Variants in TMEM106B observed in about 807,000 individuals in gnomAD.
TMEM106B encodes the protein transmembrane protein 106B.
TMEM106B carries 15 observed loss-of-function variants against 31.1 expected under a neutral mutation model. That is an observed-to-expected ratio of 0.48 (90% CI 0.32 to 0.74). The LOEUF is 0.74. TMEM106B is among the 30% of genes least tolerant of loss of function. TMEM106B has a pLI of 0.03. For missense variants in TMEM106B, 283 were observed against 327.3 expected (o/e 0.86, Z 1.04); for synonymous variants, 126 against 112.5 (o/e 1.12, Z -0.76).
At chr7:12,215,586 T>C (rs1562702572) in intron 2 of TMEM106B, 1 of 332,386 alleles carries the variant, frequency 3.0e-6, no homozygotes, top group East Asian at 8.9e-5. Context: ...TTTAAAATTT[T>C]ATTTTTTTAA....
rs1583224388 is a variant in TMEM106B, at chr7:12,235,778, A to C, written c.*3803A>C. The stretch of plus-strand genomic sequence containing the variant: ...ACTTTTTAAAAGATGTAAATTTTTA[A>C]ATTTACAAATACATATGGGTCTTTG... On this transcript the variant is annotated 3_prime_UTR_variant, in exon 8 of 8. Transcript: ENST00000396668. 6.6e-6 allele frequency: 1 copy of C among 151,822 alleles called. No homozygotes were observed. Among genetic ancestry groups the C allele is most frequent in the South Asian group, 2.1e-4 (1 of 4,830 alleles). The allele number at this position is 151,822 out of a possible 1,614,324, so 9.4% of individuals were successfully genotyped here.
chr7:12,232,828 G>C lies in TMEM106B; in HGVS notation c.*853G>C, dbSNP rs964186193. On this transcript the variant is annotated 3_prime_UTR_variant, in exon 8 of 8. Transcript: ENST00000396668. The stretch of plus-strand genomic sequence containing the variant: ...GGAAAATGAAATTCAGAAACCCATA[G>C]ACTGGGAATAGGTTCCAGTTACAGC... The C allele has an allele frequency of 1.3e-5, 2 of 152,088 alleles. No homozygotes were observed. The highest frequency in any genetic ancestry group is 2.4e-5 in the African/African-American group (1 of 41,416). 9.4% of individuals were successfully genotyped at this position (152,088 alleles called of 1,614,324 possible).
rs1782245957 is a variant in TMEM106B at position 12,242,091 on chromosome 7, CGGCCGGGCACGG to C, written c.*10117_*10128del. On this transcript the variant is annotated 3_prime_UTR_variant, in exon 8 of 8. Coordinates refer to ENST00000396668, the MANE Select transcript of TMEM106B (RefSeq NM_001134232.2). ...AATTCTTAAATTAAAAAAAAATACC[CGGCCGGGCACGG>C]TGGCTCACGCCTGTAATCCCAGCAC... 1 of 51,950 alleles carries C rather than the reference CGGCCGGGCACGG, an allele frequency of 1.9e-5. No homozygotes were observed. The highest frequency in any genetic ancestry group is 3.5e-5 in the Non-Finnish European group (1 of 28,792). The allele number at this position is 51,950 out of a possible 1,614,324, so 3.2% of individuals were successfully genotyped here.
rs1344012742 is a variant in TMEM106B at position 12,241,628 on chromosome 7, C to T, written c.*9653C>T. 1 of 152,182 alleles carries T rather than the reference C, an allele frequency of 6.6e-6. No individual in the cohort carries two copies. Among genetic ancestry groups the T allele is most frequent in the Non-Finnish European group, 1.5e-5 (1 of 68,054 alleles). The allele number at this position is 152,182 out of a possible 1,614,324, so 9.4% of individuals were successfully genotyped here. A position where few individuals can be genotyped will look rare whatever the true frequency, so the allele number is the denominator to read the frequency against. ...AGTATTCCATGGTGTATATATGCCA[C>T]ATTTTCTTTATCCAGTCTATCATTG... On this transcript the variant is annotated 3_prime_UTR_variant, in exon 8 of 8. Transcript: ENST00000396668.
intron 4 of TMEM106B, among the ~76,000 whole-genome samples, chr7:12,225,763 G>T (rs1781888350): frequency 6.6e-6 from 1 of 152,108 alleles, no homozygotes; most frequent in Non-Finnish European, 1.5e-5. Flanking sequence ...TTAGCCATTT[G>T]TCAGATGGGT....
rs1471342675 is a variant in TMEM106B at position 12,233,650 on chromosome 7, T to C, written c.*1675T>C. 6.6e-6 allele frequency: 1 copy of C among 151,450 alleles called. No individual in the cohort carries two copies. The highest frequency in any genetic ancestry group is 2.4e-5 in the African/African-American group (1 of 41,332). 9.4% of individuals were successfully genotyped at this position (151,450 alleles called of 1,614,324 possible). A position where few individuals can be genotyped will look rare whatever the true frequency, so the allele number is the denominator to read the frequency against. On this transcript the variant is annotated 3_prime_UTR_variant, in exon 8 of 8. Transcript: ENST00000396668. ...TACTATTAAACCCAAATCAGTCCTT[T>C]AAGTTCATTATGGCCTTTCTAGTAT... is the stretch of plus-strand genomic sequence containing the variant.
chr7:12,224,747 T>G (rs1277900623), intron 4 of TMEM106B, among the ~76,000 whole-genome samples: 1 of 152,244 alleles, frequency 6.6e-6, no homozygotes, highest in Non-Finnish European at 1.5e-5. Flanking sequence ...AACATTTTGA[T>G]TTCATTGTAT....
At chr7:12,215,367 G>C (rs117851514) in intron 2 of TMEM106B, among the ~76,000 whole-genome samples, 2 of 151,490 alleles carry the variant, frequency 1.3e-5, no homozygotes, top group Non-Finnish European at 2.9e-5. Context: ...TGCTATATCA[G>C]ATGTTAGAAG....
intron 2 of TMEM106B, 130 bp from the exon 3 acceptor site, chr7:12,218,328 T>G: frequency 1.7e-6 from 1 of 599,892 alleles, no homozygotes; most frequent in Non-Finnish European, 2.7e-6. Context: ...TCTGAAGACT[T>G]AGCAATTTAC....
intron 2 of TMEM106B, chr7:12,215,716 C>A: frequency 4.2e-6 from 1 of 239,248 alleles, no homozygotes; most frequent in Non-Finnish European, 9.5e-6. Flanking sequence ...CCACGCCTGG[C>A]CAACCTAATA....
chr7:12,224,883 T>A lies in TMEM106B; in HGVS notation c.441+498T>A, dbSNP rs1011029708. ...TGAAAATGCCGTGTTTTTTTTTTTT[T>A]AATTATTAAGTTCTAGGGTACATGT... On this transcript the variant is annotated intron_variant, in intron 4 of 7. Transcript: ENST00000396668. 6.6e-5 allele frequency among the ~76,000 whole-genome samples: 10 copies of A among 152,150 alleles called. No individual in the cohort carries two copies. The South Asian group carries it at 1.0e-3, about 16-fold the overall frequency.
At position 12,215,744 on chromosome 7, in the gene TMEM106B, A is replaced by G. The variant is rs1242966946; in HGVS notation, c.217+717A>G. Reference sequence around the variant, plus strand: ...ACCTAATATTTTTAATTCATTATCTAAAGAAGAAGAATAAGCTGGCTGTGC... The same window carrying G: ...ACCTAATATTTTTAATTCATTATCTGAAGAAGAAGAATAAGCTGGCTGTGC... On this transcript the variant is annotated intron_variant, in intron 2 of 7. Transcript: ENST00000396668. The G allele has an allele frequency of 3.3e-4, 68 of 208,588 alleles. 1 individual carries two copies. The highest frequency in any genetic ancestry group is 1.1e-5 in the Non-Finnish European group (1 of 87,824). 12.9% of individuals were successfully genotyped at this position (208,588 alleles called of 1,614,324 possible).
At chr7:12,212,596 T>A (rs1221748831) in intron 1 of TMEM106B, among the ~76,000 whole-genome samples, 1 of 152,152 alleles carries the variant, frequency 6.6e-6, no homozygotes, top group African/African-American at 2.4e-5. Context: ...AACAAGTGGA[T>A]GGCATGCGAA....
In TMEM106B at chr7:12,234,816, T is replaced by TA. The variant is rs1782097754; in HGVS notation, c.*2842dup. On this transcript the variant is annotated 3_prime_UTR_variant, in exon 8 of 8. Transcript: ENST00000396668. ...TTAGAGTTCTTTCCTATGTTTTTCT[T>TA]ACGTGATTTCCCACAGTTCCATGAG... 1.3e-5 allele frequency: 2 copies of TA among 151,880 alleles called. No homozygotes were observed. The allele number at this position is 151,880 out of a possible 1,614,324, so 9.4% of individuals were successfully genotyped here. A position where few individuals can be genotyped will look rare whatever the true frequency, so the allele number is the denominator to read the frequency against.
At chr7:12,224,524 C>T (rs1232558783) in intron 4 of TMEM106B, 139 bp downstream of exon 4, 4 of 633,908 alleles carry the variant, frequency 6.3e-6, no homozygotes, top group Admixed American at 6.3e-5. Context: ...TCTGTATTGA[C>T]GTTCTCTACC....
At position 12,233,675 on chromosome 7, in the gene TMEM106B, T is replaced by C. The variant is rs1430715206; in HGVS notation, c.*1700T>C. The C allele has an allele frequency of 2.0e-5, 3 of 150,662 alleles. No homozygotes were observed. Among genetic ancestry groups the C allele is most frequent in the African/African-American group, 7.3e-5 (3 of 40,948 alleles). 9.3% of individuals were successfully genotyped at this position (150,662 alleles called of 1,614,324 possible). ...TAAGTTCATTATGGCCTTTCTAGTA[T>C]TTAAAAAAAAAAAAATCATTTTCAT... is the stretch of plus-strand genomic sequence containing the variant. On this transcript the variant is annotated 3_prime_UTR_variant, in exon 8 of 8. Transcript: ENST00000396668.
At position 12,233,078 on chromosome 7, in the gene TMEM106B, T is replaced by C. The variant is rs1448068355; in HGVS notation, c.*1103T>C. On this transcript the variant is annotated 3_prime_UTR_variant, in exon 8 of 8. Coordinates refer to ENST00000396668, the MANE Select transcript of TMEM106B (RefSeq NM_001134232.2). ...TGATGGTGGCCAAAATAAAACCTATTTAGAAATTTAATCACTTTGCACATC... is the reference window on the plus strand; with the variant it reads ...TGATGGTGGCCAAAATAAAACCTATCTAGAAATTTAATCACTTTGCACATC... 1 of 151,830 alleles carries C rather than the reference T, an allele frequency of 6.6e-6. No individual in the cohort carries two copies. The highest frequency in any genetic ancestry group is 2.4e-5 in the African/African-American group (1 of 41,434). 9.4% of individuals were successfully genotyped at this position (151,830 alleles called of 1,614,324 possible).
rs567786420 is a variant in TMEM106B, at chr7:12,216,735, G to A, written c.217+1708G>A. Among the ~76,000 whole-genome samples the A allele has an allele frequency of 3.9e-5, 6 of 152,260 alleles. No homozygotes were observed. In the South Asian group the frequency reaches 1.2e-3, roughly 32 times the overall value. ...AGGAAATCATTGTGTGTGGTATCAT[G>A]GAAGATAAGTGAAGAAAGTGTACCA... On this transcript the variant is annotated intron_variant, in intron 2 of 7. Transcript: ENST00000396668.
At chr7:12,225,212 G>A (rs1189518952) in intron 4 of TMEM106B, among the ~76,000 whole-genome samples, 1 of 152,040 alleles carries the variant, frequency 6.6e-6, no homozygotes, top group African/African-American at 2.4e-5. Flanking sequence ...CTTTTTTATG[G>A]CTGTATAGTA....
Sources: gnomAD v4.1 joint callset for allele counts (sites outside exome capture counted in the v4.1 genomes callset) on GRCh38, gnomAD v4.1.1 for gene constraint, MANE v1.5 for transcripts, NCBI Gene and HGNC (gene_info 2026-07-23, HGNC 2026-07-21) for gene names.